The following ADRA1A variants were observed in gnomAD, a reference collection of about 807,000 sequenced individuals.
ADRA1A encodes adrenoceptor alpha 1A.
Under a neutral mutation model 29.6 loss-of-function variants are expected in ADRA1A, and 31 were observed. That is an observed-to-expected ratio of 1.05 (90% CI 0.79 to 1.41). ADRA1A has a LOEUF of 1.41. ADRA1A is among the 40% of genes most tolerant of loss of function. The pLI is 0.00. For synonymous variants in ADRA1A, 311 were observed against 254.3 expected, an observed-to-expected ratio of 1.22 and a Z score of -2.12; for missense variants, 619 against 601.1, an observed-to-expected ratio of 1.03 and a Z score of -0.31.
chr8:26,804,497 A>C (rs1808822365), intron 2 of ADRA1A, among the ~76,000 whole-genome samples: 1 of 152,258 alleles, frequency 6.6e-6, no homozygotes, highest in Non-Finnish European at 1.5e-5. Context: ...AAGAAGATTC[A>C]TACTGCATGA....
chr8:26,805,528 T>C lies in ADRA1A; in HGVS notation c.884-34862A>G, dbSNP rs1217842239. ...AAACGCTTTCCATATATTAGCTCAT[T>C]TAATTTTCCAAAAATGCTAGGAGGA... is the stretch of plus-strand genomic sequence containing the variant. On this transcript the variant is annotated intron_variant, in intron 2 of 2. Transcript: ENST00000380573. This position sits in a 1 kb window ranked among gnomAD's most constrained non-coding sequence, Gnocchi z 4.8. 6.6e-6 allele frequency among the ~76,000 whole-genome samples: 1 copy of C among 152,190 alleles called. No homozygotes were observed. The highest frequency in any genetic ancestry group is 1.5e-5 in the Non-Finnish European group (1 of 68,026).
downstream of ADRA1A, among the ~76,000 whole-genome samples, chr8:26,755,747 C>A (rs1244575720): frequency 6.6e-6 from 1 of 152,204 alleles, no homozygotes; most frequent in African/African-American, 2.4e-5. Context: ...AGGACTATGT[C>A]TCTGCCCTTG....
intron 2 of ADRA1A, among the ~76,000 whole-genome samples, chr8:26,777,376 C>T (rs768442661): frequency 3.9e-5 from 6 of 152,158 alleles, no homozygotes; most frequent in East Asian, 1.9e-4. Flanking sequence ...ATTAGCTTCT[C>T]GCAGTGCTCT....
Position 26,865,066 on chromosome 8 carries a change from G to C in ADRA1A, c.-97C>G. ...CGGGAGCCGGGAATCAAAAGGTCTC[G>C]GCTGGAGGGAGCCCTGCCAGGTGGG... On this transcript the variant is annotated 5_prime_UTR_variant, in exon 2 of 3. Transcript: ENST00000380573. This position sits in a 1 kb window ranked among gnomAD's most constrained non-coding sequence, Gnocchi z 7.6. 6.6e-7 allele frequency: 1 copy of C among 1,508,972 alleles called. No individual in the cohort carries two copies. The highest frequency in any genetic ancestry group is 8.8e-7 in the Non-Finnish European group (1 of 1,139,632). The allele number at this position is 1,508,972 out of a possible 1,614,324, so 93.5% of individuals were successfully genotyped here.
intron 2 of ADRA1A, among the ~76,000 whole-genome samples, chr8:26,857,271 A>C (rs1585851000): frequency 6.6e-6 from 1 of 152,054 alleles, no homozygotes; most frequent in African/African-American, 2.4e-5. Flanking sequence ...CGTACTTTTG[A>C]CCATAGAATC....
Position 26,841,841 on chromosome 8 carries a change from T to C in ADRA1A, c.883+22246A>G, listed in dbSNP as rs17056055. Reference sequence around the variant, plus strand: ...TTTCCCCTTGACTTCTCTGCTGCATTTGATATTGGCGCCACTTTCTCTTCA... The same window carrying C: ...TTTCCCCTTGACTTCTCTGCTGCATCTGATATTGGCGCCACTTTCTCTTCA... On this transcript the variant is annotated intron_variant, in intron 2 of 2. Coordinates refer to ENST00000380573, the MANE Select transcript of ADRA1A (RefSeq NM_000680.4). The surrounding 1 kb of genome is among the most constrained non-coding windows in gnomAD (Gnocchi z 4.4). Among the ~76,000 whole-genome samples the C allele has an allele frequency of 0.035, 5,391 of 152,300 alleles. 145 individuals are homozygous for C. The highest frequency in any genetic ancestry group is 0.076 in the African/African-American group (3,156 of 41,544).
chr8:26,791,659 A>G (rs1022469752), intron 2 of ADRA1A, among the ~76,000 whole-genome samples: 2 of 152,194 alleles, frequency 1.3e-5, no homozygotes, highest in Non-Finnish European at 2.9e-5. Context: ...GGCCTCTGCC[A>G]TTTGGTAAGA....
chr8:26,838,157 C>A (rs993692734), intron 2 of ADRA1A, among the ~76,000 whole-genome samples: 15 of 152,096 alleles, frequency 9.9e-5, no homozygotes, highest in African/African-American at 3.6e-4. Flanking sequence ...TTTTCAGGCA[C>A]CAGAAATCTA....
chr8:26,773,069 T>A (rs1806292367), intron 2 of ADRA1A, among the ~76,000 whole-genome samples: 1 of 152,248 alleles, frequency 6.6e-6, no homozygotes, highest in Non-Finnish European at 1.5e-5. Flanking sequence ...AAGAGTTATG[T>A]GACTCTTCCC....
chr8:26,778,712 C>T (rs1346173533), intron 2 of ADRA1A, among the ~76,000 whole-genome samples: 2 of 145,252 alleles, frequency 1.4e-5, no homozygotes, highest in South Asian at 2.1e-4. Flanking sequence ...CCAAACACCG[C>T]ATGTTCTCAC....
chr8:26,769,313 A>G lies in ADRA1A; in HGVS notation c.*836T>C, dbSNP rs1342110572. The G allele has an allele frequency of 5.1e-6, 5 of 985,202 alleles. No individual in the cohort carries two copies. Among genetic ancestry groups the G allele is most frequent in the Non-Finnish European group, 6.0e-6 (5 of 829,730 alleles). 61.0% of individuals were successfully genotyped at this position (985,202 alleles called of 1,614,324 possible). ...GCCACACCAACCTCTTGCTCTTTAA[A>G]GATATTAGAGAGAAAGCCTATCATC... On this transcript the variant is annotated 3_prime_UTR_variant, in exon 3 of 3. Coordinates refer to ENST00000380573, the MANE Select transcript of ADRA1A (RefSeq NM_000680.4).
At chr8:26,779,403 T>G (rs1397107033) in intron 2 of ADRA1A, 1 of 702,642 alleles carries the variant, frequency 1.4e-6, no homozygotes, top group Non-Finnish European at 2.6e-6. Flanking sequence ...TGAGTCATTT[T>G]TTCCTTCTTG....
intron 2 of ADRA1A, among the ~76,000 whole-genome samples, chr8:26,846,613 A>G (rs1812222239): frequency 1.3e-5 from 2 of 152,098 alleles, no homozygotes; most frequent in Non-Finnish European, 2.9e-5. Context: ...TACTAAAAAC[A>G]TACAAAAACT....
At chr8:26,789,273 A>T (rs561294580) in intron 2 of ADRA1A, among the ~76,000 whole-genome samples, 2 of 152,336 alleles carry the variant, frequency 1.3e-5, no homozygotes, top group East Asian at 3.9e-4. Context: ...TTGTGAAGCT[A>T]CAGTGATCAA....
In ADRA1A at chr8:26,775,110, C is replaced by T. The variant is rs1477638913; in HGVS notation, c.884-4444G>A. Among the ~76,000 whole-genome samples the T allele has an allele frequency of 2.0e-5, 3 of 152,190 alleles. No homozygotes were observed. Among genetic ancestry groups the T allele is most frequent in the Non-Finnish European group, 2.9e-5 (2 of 68,046 alleles). ...CCATCCGGCCGGCTTTGCTCACTCA[C>T]GGAGCTCCAGAATCCAGTAAAATGC... On this transcript the variant is annotated intron_variant, in intron 2 of 2. Transcript: ENST00000380573. The surrounding 1 kb of genome is among the most constrained non-coding windows in gnomAD (Gnocchi z 4.1).
chr8:26,859,215 A>C (rs900826571), intron 2 of ADRA1A: 31 of 1,269,174 alleles, frequency 2.4e-5, no homozygotes, highest in Admixed American at 1.4e-4. Flanking sequence ...CCTTGAATAT[A>C]ATAATATGAT....
intron 2 of ADRA1A, chr8:26,748,779 A>T (rs1443485346): frequency 2.5e-6 from 1 of 404,620 alleles, no homozygotes; most frequent in Admixed American, 3.1e-5. Flanking sequence ...AAGTTGAAAA[A>T]CTATTGACCT....
Position 26,864,478 on chromosome 8 carries a change from G to A in ADRA1A, c.492C>T (p.Gly164=), listed in dbSNP as rs1813731038. 1 of 1,613,666 alleles carries A rather than the reference G, an allele frequency of 6.2e-7. No homozygotes were observed. The highest frequency in any genetic ancestry group is 1.7e-5 in the Admixed American group (1 of 60,014). ...SLVISIGPLF[G]WRQPAPEDET... Reference sequence around the variant, plus strand: ...CGTCCTCGGGGGCCGGCTGCCTCCAGCCGAACAGGGGTCCAATGGATATGA... The same window carrying A: ...CGTCCTCGGGGGCCGGCTGCCTCCAACCGAACAGGGGTCCAATGGATATGA... The change falls in exon 2 of 3, where the codon GGC becomes GGT. Residue 164 remains glycine, a synonymous_variant. Coordinates refer to ENST00000380573, the MANE Select transcript of ADRA1A (RefSeq NM_000680.4). This position sits in a 1 kb window ranked among gnomAD's most constrained non-coding sequence, Gnocchi z 8.1.
intron 2 of ADRA1A, among the ~76,000 whole-genome samples, chr8:26,803,471 A>G (rs1377497173): frequency 1.3e-5 from 2 of 152,204 alleles, no homozygotes; most frequent in Non-Finnish European, 2.9e-5. Flanking sequence ...AGCTAAACCT[A>G]TAAAGCTTTA....
Sources: gnomAD v4.1 joint callset for allele counts (sites outside exome capture counted in the v4.1 genomes callset) on GRCh38, gnomAD v4.1.1 for gene constraint, Gnocchi (gnomAD v3.1) non-coding constraint, MANE v1.5 for transcripts, NCBI Gene and HGNC (gene_info 2026-07-23, HGNC 2026-07-21) for gene names.